Variants in ITPR2 observed in about 807,000 individuals in gnomAD.
ITPR2 encodes the protein inositol 1,4,5-trisphosphate receptor type 2, also known as inositol 1,4,5-trisphosphate-gated calcium channel ITPR2.
Under a neutral mutation model 317.1 loss-of-function variants are expected in ITPR2, and 207 were observed. The observed-to-expected ratio is 0.65, with a 90% CI of 0.58 to 0.73. The LOEUF is 0.73. Among genes scored for constraint, ITPR2 ranks in the 30% least tolerant of loss-of-function variants. The pLI is 0.00. For synonymous variants in ITPR2, 1,156 were observed against 1,149.1 expected (o/e 1.01, Z -0.12); for missense variants, 2,613 against 3,284.0 (o/e 0.80, Z 4.99).
chr12:26,436,525 G>T (rs1159992175), intron 47 of ITPR2, among the ~76,000 whole-genome samples, 179 bp from the exon 48 acceptor site: 1 of 152,140 alleles, frequency 6.6e-6, no homozygotes, highest in Non-Finnish European at 1.5e-5. Context: ...CCATAAAGGA[G>T]TGAAATTTGA....
rs536832188 is a variant in ITPR2 at position 26,683,793 on chromosome 12, A to G, written c.1149-1120T>C. 3.9e-5 allele frequency among the ~76,000 whole-genome samples: 6 copies of G among 152,368 alleles called. No homozygotes were observed. In the East Asian group the frequency reaches 1.2e-3, roughly 29 times the overall value. On this transcript the variant is annotated intron_variant, in intron 11 of 56. Transcript: ENST00000381340. ...GACACCTAGAACTTCATCCTACTCA[A>G]GTATTACCGTTTTTAGTAAATCTTT...
chr12:26,741,850 C>T (rs564618792), intron 2 of ITPR2, among the ~76,000 whole-genome samples: 6 of 152,248 alleles, frequency 3.9e-5, no homozygotes, highest in East Asian at 3.9e-4. Context: ...AGTAACTAAA[C>T]GAACACAGTC....
rs149722414 is a variant in ITPR2 at position 26,595,464 on chromosome 12, C to A, written c.4380+1G>T. 1 of 1,605,228 alleles carries A rather than the reference C, an allele frequency of 6.2e-7. No homozygotes were observed. The highest frequency in any genetic ancestry group is 8.5e-7 in the Non-Finnish European group (1 of 1,177,690). On this transcript the variant is annotated splice_donor_variant, in intron 32 of 56. Transcript: ENST00000381340. LOFTEE classifies it high-confidence loss of function. ...CCTTCAGTAGTCAAAATCTAACTTA[C>A]CCTTGCCATATCCACCAAGAAGTTC...
intron 1 of ITPR2, among the ~76,000 whole-genome samples, chr12:26,811,685 A>C (rs1198810223): frequency 2.8e-5 from 2 of 71,914 alleles, no homozygotes; most frequent in African/African-American, 4.2e-5. Flanking sequence ...ACTCTGTCTC[A>C]AAAAAAAAAA....
At chr12:26,718,831 C>T (rs966265463) in intron 5 of ITPR2, among the ~76,000 whole-genome samples, 2 of 151,944 alleles carry the variant, frequency 1.3e-5, no homozygotes, top group African/African-American at 2.4e-5. Context: ...AGGCTGGTTT[C>T]GAACTCCTAA....
intron 43 of ITPR2, among the ~76,000 whole-genome samples, chr12:26,479,742 T>C (rs892046879): frequency 6.6e-6 from 1 of 152,026 alleles, no homozygotes; most frequent in Non-Finnish European, 1.5e-5. Flanking sequence ...ACATTACAAC[T>C]GAAAACATGA....
chr12:26,462,133 T>C (rs962136828), intron 45 of ITPR2, among the ~76,000 whole-genome samples: 3 of 117,104 alleles, frequency 2.6e-5, no homozygotes, highest in Non-Finnish European at 6.1e-5. Flanking sequence ...CATGATTCCA[T>C]GGGCTACTAC....
At chr12:26,743,946 T>C (rs1949276615) in intron 2 of ITPR2, among the ~76,000 whole-genome samples, 1 of 152,030 alleles carries the variant, frequency 6.6e-6, no homozygotes, top group African/African-American at 2.4e-5. Context: ...CCTCTATAGG[T>C]TCTACCTTTA....
intron 9 of ITPR2, among the ~76,000 whole-genome samples, chr12:26,699,445 A>G (rs1184349720): frequency 6.6e-6 from 1 of 152,226 alleles, no homozygotes; most frequent in Non-Finnish European, 1.5e-5. Context: ...CATCTGCAAA[A>G]TGAGAAAAAG....
chr12:26,411,268 T>C (rs2136670702), intron 52 of ITPR2, 52 bp downstream of exon 52: 1 of 1,211,918 alleles, frequency 8.3e-7, no homozygotes, highest in Non-Finnish European at 1.2e-6. Context: ...ATTTACTAAA[T>C]AAAACTTCAA....
chr12:26,593,811 C>T (rs534609137), intron 32 of ITPR2, among the ~76,000 whole-genome samples: 9 of 151,310 alleles, frequency 5.9e-5, no homozygotes, highest in East Asian at 1.9e-4. Flanking sequence ...TCGGTGAAAA[C>T]GGTATTTCTC....
intron 1 of ITPR2, among the ~76,000 whole-genome samples, chr12:26,799,381 A>G (rs774650123): frequency 6.6e-6 from 1 of 152,240 alleles, no homozygotes; most frequent in Non-Finnish European, 1.5e-5. Context: ...TTTTTAAAAT[A>G]TGGGTATCAC....
intron 2 of ITPR2, among the ~76,000 whole-genome samples, chr12:26,787,301 T>C (rs1432444208): frequency 6.6e-6 from 1 of 152,196 alleles, no homozygotes; most frequent in Non-Finnish European, 1.5e-5. Flanking sequence ...AGATAAATGA[T>C]TTAATCTAAA....
chr12:26,612,663 G>A (rs968923145), intron 26 of ITPR2, among the ~76,000 whole-genome samples: 1 of 152,080 alleles, frequency 6.6e-6, no homozygotes, highest in East Asian at 1.9e-4. Flanking sequence ...TACCTCACTA[G>A]TCCATGCTTT....
intron 2 of ITPR2, among the ~76,000 whole-genome samples, chr12:26,734,029 A>C (rs1451744652): frequency 6.6e-6 from 1 of 152,204 alleles, no homozygotes; most frequent in African/African-American, 2.4e-5. Flanking sequence ...AATATATTTT[A>C]TGTATATTTA....
At chr12:26,697,852 A>G (rs1484876472) in intron 9 of ITPR2, among the ~76,000 whole-genome samples, 1 of 151,436 alleles carries the variant, frequency 6.6e-6, no homozygotes, top group African/African-American at 2.4e-5. Flanking sequence ...ATAATACAAT[A>G]TAAGAGAAGT....
intron 1 of ITPR2, among the ~76,000 whole-genome samples, chr12:26,822,638 T>A (rs991122995): frequency 2.0e-5 from 3 of 152,120 alleles, no homozygotes; most frequent in African/African-American, 7.2e-5. Context: ...TGGAAACAAA[T>A]ACAGGGAAAG....
intron 55 of ITPR2, among the ~76,000 whole-genome samples, chr12:26,379,494 T>A (rs558339607): frequency 6.6e-6 from 1 of 152,340 alleles, no homozygotes; most frequent in Non-Finnish European, 1.5e-5. Context: ...AGTGCAGTTA[T>A]ACCCAGTACC....
At chr12:26,551,378 G>A (rs1565597801) in intron 36 of ITPR2, among the ~76,000 whole-genome samples, 1 of 152,170 alleles carries the variant, frequency 6.6e-6, no homozygotes, top group Non-Finnish European at 1.5e-5. Flanking sequence ...CAGGGAGATA[G>A]GGCAACTTGC....
Sources: gnomAD v4.1 joint callset for allele counts (sites outside exome capture counted in the v4.1 genomes callset) on GRCh38, gnomAD v4.1.1 for gene constraint, MANE v1.5 for transcripts, NCBI Gene and HGNC (gene_info 2026-07-23, HGNC 2026-07-21) for gene names.